GRIP1: variants seen among roughly 807,000 people sequenced by gnomAD.
GRIP1 encodes glutamate receptor interacting protein 1, also known as glutamate receptor-interacting protein 1.
Under a neutral mutation model 129.9 loss-of-function variants are expected in GRIP1, and 45 were observed. The observed-to-expected ratio is 0.35, with a 90% CI of 0.27 to 0.44. The LOEUF (loss-of-function observed/expected upper bound fraction) is 0.44. GRIP1 is among the 20% of genes least tolerant of loss of function. The probability of loss-of-function intolerance (pLI) is 1.00; values close to 1 mark genes in which losing one functional copy is unlikely to be tolerated. For missense variants in GRIP1, 1,196 were observed against 1,396.8 expected (o/e 0.86, Z 2.29); for synonymous variants, 530 against 520.8 (o/e 1.02, Z -0.24).
At chr12:66,707,788 G>A (rs2035585069) in intron 1 of GRIP1, among the ~76,000 whole-genome samples, 1 of 151,894 alleles carries the variant, frequency 6.6e-6, no homozygotes, top group African/African-American at 2.4e-5. Flanking sequence ...CCCATCTTTT[G>A]CTAGAACAAG....
At chr12:66,587,258 CATTACGTGGT>C (rs1299214223) in intron 2 of GRIP1, among the ~76,000 whole-genome samples, 1 of 152,238 alleles carries the variant, frequency 6.6e-6, no homozygotes. Flanking sequence ...TCCTCCAGAT[CATTACGTGGT>C]TCACCACTCT....
chr12:66,580,570 A>G (rs1240545427), intron 2 of GRIP1, among the ~76,000 whole-genome samples: 1 of 151,064 alleles, frequency 6.6e-6, no homozygotes. Flanking sequence ...AAGATCTACC[A>G]AGCAAATGGA....
chr12:66,565,387 T>C (rs954107781), intron 2 of GRIP1, among the ~76,000 whole-genome samples: 2 of 152,222 alleles, frequency 1.3e-5, no homozygotes, highest in Non-Finnish European at 2.9e-5. Flanking sequence ...GGGAATCCTT[T>C]CCCCATTTCT....
intron 23 of GRIP1, among the ~76,000 whole-genome samples, chr12:66,364,433 G>A (rs1168344): frequency 0.49 from 74,669 of 151,804 alleles, 18,820 homozygotes; most frequent in East Asian, 0.57. Flanking sequence ...TTCCCATTTC[G>A]TTCCTACATA....
chr12:66,862,302 A>C (rs73134811), intron 1 of GRIP1, among the ~76,000 whole-genome samples: 2 of 152,166 alleles, frequency 1.3e-5, no homozygotes, highest in Non-Finnish European at 2.9e-5. Context: ...CATTAAGTGA[A>C]TTGCCTTAGG....
At chr12:66,867,254 G>T (rs1286760406) in intron 1 of GRIP1, among the ~76,000 whole-genome samples, 1 of 152,098 alleles carries the variant, frequency 6.6e-6, no homozygotes, top group Non-Finnish European at 1.5e-5. Flanking sequence ...CTCCCAAAGT[G>T]TTGGGATTAC....
At chr12:66,727,544 G>A (rs946620218) in intron 1 of GRIP1, among the ~76,000 whole-genome samples, 2 of 152,202 alleles carry the variant, frequency 1.3e-5, no homozygotes, top group Admixed American at 6.5e-5. Flanking sequence ...ACCCAGAGAT[G>A]AGAAAAACAA....
chr12:66,473,429 T>C (rs12229755), intron 7 of GRIP1, among the ~76,000 whole-genome samples: 40,182 of 152,072 alleles, frequency 0.26, 5,496 homozygotes, highest in Middle Eastern at 0.42. Flanking sequence ...TCCTGCCTGC[T>C]GGCTCTGAAG....
At position 66,754,851 on chromosome 12, in the gene GRIP1, G is replaced by A. The variant is rs190573932; in HGVS notation, c.-420+49202C>T. ...CATTTTGGGAAGCCAATTTCCCTGA[G>A]TCTGCCTGCTTCATTCTGATACCCT... On this transcript the variant is annotated intron_variant, in intron 1 of 4. Transcript: ENST00000538373. Among the ~76,000 whole-genome samples the A allele has an allele frequency of 2.6e-4, 40 of 152,224 alleles. No homozygotes were observed. In the East Asian group the frequency reaches 7.0e-3, roughly 26 times the overall value.
intron 1 of GRIP1, among the ~76,000 whole-genome samples, chr12:66,958,405 T>C (rs2041874660): frequency 6.6e-6 from 1 of 152,286 alleles, no homozygotes; most frequent in Non-Finnish European, 1.5e-5. Context: ...GTGCTGGCAT[T>C]AGAAGCGTGG....
intron 1 of GRIP1, among the ~76,000 whole-genome samples, chr12:67,044,245 T>C (rs1210205180): frequency 3.3e-5 from 5 of 152,336 alleles, no homozygotes; most frequent in African/African-American, 7.2e-5. Flanking sequence ...AAGAAAATCA[T>C]GTTACATTCA....
intron 1 of GRIP1, among the ~76,000 whole-genome samples, chr12:66,794,027 G>T (rs1353435366): frequency 6.6e-6 from 1 of 152,108 alleles, no homozygotes; most frequent in Non-Finnish European, 1.5e-5. Flanking sequence ...AAAAAGGTAG[G>T]TCTATAAGAA....
chr12:66,708,291 G>A (rs2035602311), intron 1 of GRIP1, among the ~76,000 whole-genome samples: 1 of 151,780 alleles, frequency 6.6e-6, no homozygotes, highest in Non-Finnish European at 1.5e-5. Flanking sequence ...AAGGAATCAG[G>A]TGTAGCAAAT....
chr12:66,549,187 C>T (rs557623498), intron 2 of GRIP1, among the ~76,000 whole-genome samples: 2 of 152,234 alleles, frequency 1.3e-5, no homozygotes, highest in East Asian at 1.9e-4. Context: ...CAGGTCCTCC[C>T]TGGTAACTGC....
chr12:66,539,069 T>C lies in GRIP1; in HGVS notation c.418+9A>G, dbSNP rs376412451. 839 of 1,612,590 alleles carry C rather than the reference T, an allele frequency of 5.2e-4. 3 individuals are homozygous for C. Among genetic ancestry groups the C allele is most frequent in the Non-Finnish European group, 6.6e-4 (773 of 1,178,706 alleles). ...ATCCCCTATGGATAAGGGGGGCTAC[T>C]GTACTTACAGACCGGTGGAAGCTCG... On this transcript the variant is annotated intron_variant, in intron 4 of 24. Transcript: ENST00000359742.
chr12:66,809,662 C>CTTT (rs774288663), intron 1 of GRIP1, among the ~76,000 whole-genome samples: 5 of 141,952 alleles, frequency 3.5e-5, no homozygotes, highest in Non-Finnish European at 3.1e-5. Flanking sequence ...CACAAAATGT[C>CTTT]TTTTTTTTTT....
At chr12:66,603,312 C>A (rs1023604469) in intron 1 of GRIP1, among the ~76,000 whole-genome samples, 1 of 152,112 alleles carries the variant, frequency 6.6e-6, no homozygotes, top group Non-Finnish European at 1.5e-5. Context: ...AATATTGAAG[C>A]TAAAAAGAAT....
chr12:66,706,681 C>T (rs2035539046), intron 1 of GRIP1, among the ~76,000 whole-genome samples: 1 of 152,062 alleles, frequency 6.6e-6, no homozygotes, highest in African/African-American at 2.4e-5. Flanking sequence ...CAATACTATG[C>T]AGCCATAAAA....
At chr12:66,757,711 A>G (rs560543908) in intron 1 of GRIP1, among the ~76,000 whole-genome samples, 39 of 152,314 alleles carry the variant, frequency 2.6e-4, no homozygotes, top group African/African-American at 8.4e-4. Context: ...ATATTCCCAC[A>G]ACAGTGTACG....
Sources: gnomAD v4.1 joint callset for allele counts (sites outside exome capture counted in the v4.1 genomes callset) on GRCh38, gnomAD v4.1.1 for gene constraint, MANE v1.5 for transcripts, NCBI Gene and HGNC (gene_info 2026-07-23, HGNC 2026-07-21) for gene names.